The following BMPR1B variants were observed in gnomAD, a reference collection of about 807,000 sequenced individuals.
BMPR1B encodes bone morphogenetic protein receptor type 1B, also known as bone morphogenetic protein receptor type-1B.
A neutral mutation model predicts 59.1 loss-of-function variants in BMPR1B; 12 were observed. That is an observed-to-expected ratio of 0.20 (90% CI 0.13 to 0.33). The LOEUF is 0.33. BMPR1B is among the 10% of genes least tolerant of loss of function. The pLI, the probability that BMPR1B is intolerant of heterozygous loss-of-function variation, is 1.00. For synonymous variants in BMPR1B, 237 were observed against 207.3 expected, an observed-to-expected ratio of 1.14 and a Z score of -1.23; for missense variants, 550 against 610.9, an observed-to-expected ratio of 0.90 and a Z score of 1.05.
At chr4:94,951,622 T>G (rs1445938231) in intron 2 of BMPR1B, among the ~76,000 whole-genome samples, 1 of 152,152 alleles carries the variant, frequency 6.6e-6, no homozygotes, top group Non-Finnish European at 1.5e-5. Context: ...TTGATCGTGG[T>G]GGATAAGGTT....
chr4:94,795,851 A>C (rs1723170314), intron 1 of BMPR1B, among the ~76,000 whole-genome samples: 1 of 152,178 alleles, frequency 6.6e-6, no homozygotes, highest in African/African-American at 2.4e-5. Flanking sequence ...GCAGCCTCGG[A>C]CTTTGCTGTT....
At chr4:95,019,103 C>T (rs1489786582) in intron 3 of BMPR1B, among the ~76,000 whole-genome samples, 1 of 152,048 alleles carries the variant, frequency 6.6e-6, no homozygotes, top group African/African-American at 2.4e-5. Flanking sequence ...GCATACAAAG[C>T]CACTTGTTTT....
At chr4:95,077,334 C>G (rs1257839058) in intron 3 of BMPR1B, among the ~76,000 whole-genome samples, 3 of 152,072 alleles carry the variant, frequency 2.0e-5, no homozygotes, top group Admixed American at 6.6e-5. Context: ...TTATATAGGC[C>G]TCAGTCATTT....
At chr4:94,944,634 G>A (rs1237709727) in intron 2 of BMPR1B, among the ~76,000 whole-genome samples, 3 of 152,104 alleles carry the variant, frequency 2.0e-5, no homozygotes, top group Non-Finnish European at 2.9e-5. Context: ...GGTGTTAGAC[G>A]GTGAAATGAT....
intron 2 of BMPR1B, among the ~76,000 whole-genome samples, chr4:94,887,702 G>A (rs1243354302): frequency 6.6e-6 from 1 of 151,788 alleles, no homozygotes; most frequent in Admixed American, 6.6e-5. Context: ...AAGACCAAGA[G>A]GATACAAATG....
At chr4:94,883,614 G>T (rs1464573734) in intron 2 of BMPR1B, among the ~76,000 whole-genome samples, 1 of 151,174 alleles carries the variant, frequency 6.6e-6, no homozygotes. Flanking sequence ...TATATATTAA[G>T]GAATATATTA....
chr4:94,898,337 G>C (rs1240958868), intron 2 of BMPR1B, among the ~76,000 whole-genome samples: 1 of 151,988 alleles, frequency 6.6e-6, no homozygotes, highest in Non-Finnish European at 1.5e-5. Flanking sequence ...CTGACACTTT[G>C]ATATGGTTTG....
At chr4:94,999,827 G>T (rs1722317413) in intron 3 of BMPR1B, among the ~76,000 whole-genome samples, 2 of 152,110 alleles carry the variant, frequency 1.3e-5, no homozygotes, top group Non-Finnish European at 2.9e-5. Context: ...GGAAATAATA[G>T]AAAATCATGG....
chr4:95,034,403 C>T (rs979215654), intron 3 of BMPR1B, among the ~76,000 whole-genome samples: 16 of 151,902 alleles, frequency 1.1e-4, no homozygotes, highest in Admixed American at 4.6e-4. Context: ...ACACTGTACC[C>T]GGTGTGTAGT....
In BMPR1B at chr4:95,018,125, A is replaced by G. The variant is rs370278869; in HGVS notation, c.-18+21991A>G. On this transcript the variant is annotated intron_variant, in intron 3 of 12. Coordinates refer to ENST00000515059, the MANE Select transcript of BMPR1B (RefSeq NM_001203.3). ...ACTGAAATATTTAGTGATGAAATATAAAATAATTATTAAAGAATGCATGCT... is the reference window on the plus strand; with the variant it reads ...ACTGAAATATTTAGTGATGAAATATGAAATAATTATTAAAGAATGCATGCT... Among the ~76,000 whole-genome samples the G allele has an allele frequency of 5.3e-5, 8 of 152,320 alleles. No homozygotes were observed. In the East Asian group the frequency reaches 1.4e-3, roughly 26 times the overall value.
At chr4:95,099,200 C>T (rs1730650013) in intron 3 of BMPR1B, among the ~76,000 whole-genome samples, 1 of 152,114 alleles carries the variant, frequency 6.6e-6, no homozygotes. Context: ...AGGGGAATAC[C>T]ATCATGAAGA....
In BMPR1B at chr4:94,806,935, GAT is replaced by G. The variant is rs565557045; in HGVS notation, c.-183+48870_-183+48871del. 3.6e-3 allele frequency among the ~76,000 whole-genome samples: 545 copies of G among 151,914 alleles called. 4 individuals are homozygous for G. Among genetic ancestry groups the G allele is most frequent in the African/African-American group, 0.012 (518 of 41,460 alleles). On this transcript the variant is annotated intron_variant, in intron 1 of 12. Transcript: ENST00000515059. ...CAGTTGATTTCTTTTTCTTATTAAA[GAT>G]ATTTTATTAAATAAGTTCATAATAA...
intron 3 of BMPR1B, among the ~76,000 whole-genome samples, chr4:95,034,853 A>G (rs1009226913): frequency 7.9e-5 from 12 of 152,048 alleles, no homozygotes; most frequent in Admixed American, 1.3e-4. Flanking sequence ...AGGAATTTCC[A>G]TAGTGTCTTC....
At chr4:95,053,768 A>C (rs1242090137) in intron 3 of BMPR1B, among the ~76,000 whole-genome samples, 1 of 151,874 alleles carries the variant, frequency 6.6e-6, no homozygotes, top group Non-Finnish European at 1.5e-5. Context: ...TTGAGGAATT[A>C]CTCTCCGTAA....
At chr4:95,122,603 T>C (rs971217126) in intron 6 of BMPR1B, among the ~76,000 whole-genome samples, 1 of 152,328 alleles carries the variant, frequency 6.6e-6, no homozygotes, top group African/African-American at 2.4e-5. Flanking sequence ...TATATTTTGC[T>C]TATGAACATT....
intron 3 of BMPR1B, among the ~76,000 whole-genome samples, chr4:95,058,758 C>G (rs986574760): frequency 1.3e-5 from 2 of 152,170 alleles, no homozygotes; most frequent in South Asian, 4.1e-4. Flanking sequence ...TTTATTTTCT[C>G]TCTAAAAGAA....
rs1216699208 is a variant in BMPR1B at position 94,949,308 on chromosome 4, CT to C, written c.-112-46713del. On this transcript the variant is annotated intron_variant, in intron 2 of 12. Transcript: ENST00000515059. ...TCCCTGCAAAGGACATGAACTCATT[CT>C]TTTTTTTTTTTTTTTTTTGAGACGG... is the stretch of plus-strand genomic sequence containing the variant. Among the ~76,000 whole-genome samples the C allele has an allele frequency of 5.2e-4, 43 of 81,954 alleles. 1 individual carries two copies. Among genetic ancestry groups the C allele is most frequent in the South Asian group, 2.0e-3 (4 of 2,018 alleles). 53.8% of individuals were successfully genotyped at this position (81,954 alleles called of 152,430 possible).
intron 3 of BMPR1B, among the ~76,000 whole-genome samples, chr4:95,045,904 T>G (rs901854245): frequency 3.9e-5 from 6 of 152,132 alleles, no homozygotes; most frequent in African/African-American, 1.4e-4. Context: ...AAACATAAGA[T>G]CAGGAGATTT....
At chr4:94,794,085 TC>T (rs1338268375) in intron 1 of BMPR1B, among the ~76,000 whole-genome samples, 1 of 150,830 alleles carries the variant, frequency 6.6e-6, no homozygotes, top group Non-Finnish European at 1.5e-5. Context: ...AGACATGAAG[TC>T]CTTGCCCATG....
Sources: allele counts gnomAD v4.1 joint callset (sites outside exome capture counted in the v4.1 genomes callset), GRCh38; gene constraint gnomAD v4.1.1; transcripts MANE v1.5; gene names NCBI Gene and HGNC (gene_info 2026-07-23, HGNC 2026-07-21).